The following MED16 variants were observed in gnomAD, a reference collection of about 807,000 sequenced individuals.
MED16 encodes mediator complex subunit 16, also known as mediator of RNA polymerase II transcription subunit 16.
A neutral mutation model predicts 84.4 loss-of-function variants in MED16; 81 were observed. The observed-to-expected ratio is 0.96, with a 90% CI of 0.80 to 1.15. The LOEUF is 1.15. MED16 is among the 50% of genes most tolerant of loss of function. MED16 has a pLI of 0.00. For synonymous variants in MED16, 897 were observed against 552.2 expected, an observed-to-expected ratio of 1.62 and a Z score of -8.76; for missense variants, 1,585 against 1,245.9, an observed-to-expected ratio of 1.27 and a Z score of -4.10.
At chr19:880,191 A>T (rs751482017) in intron 7 of MED16, 43 bp from the exon 8 acceptor site, 2 of 1,539,938 alleles carry the variant, frequency 1.3e-6, no homozygotes, top group East Asian at 4.8e-5. Flanking sequence ...AGGGCCCAGG[A>T]CACGCCCGCC....
intron 6 of MED16, among the ~76,000 whole-genome samples, chr19:883,315 G>A (rs994807064): frequency 3.4e-5 from 5 of 147,548 alleles, no homozygotes; most frequent in African/African-American, 5.1e-5. Context: ...CACGTGGGGC[G>A]GTGGGTGAAG....
chr19:880,749 C>T (rs573698868), intron 7 of MED16, among the ~76,000 whole-genome samples: 2 of 151,946 alleles, frequency 1.3e-5, no homozygotes, highest in African/African-American at 4.8e-5. Flanking sequence ...GGTGAAACCC[C>T]GTCTCTACTA....
At chr19:892,942 C>CGCGCCCCGCGCCCCGCGCCCT (rs1568335915) in intron 1 of MED16, 144 bp downstream of exon 1, 1 of 147,270 alleles carries the variant, frequency 6.8e-6, no homozygotes, top group East Asian at 2.0e-4. Context: ...CCCCGCGCCC[C>CGCGCCCCGCGCCCCGCGCCCT]AGGCCGCCTA....
Position 885,750 on chromosome 19 carries a change from G to A in MED16, c.879+20C>T. On this transcript the variant is annotated intron_variant, in intron 5 of 15. Coordinates refer to ENST00000325464, the MANE Select transcript of MED16 (RefSeq NM_005481.3). The stretch of plus-strand genomic sequence containing the variant: ...TCATTCCAAGCCTGCCAGCCCACGT[G>A]ATGGCCTGCGCCCGTTCACCTGCTC... 1.3e-6 allele frequency: 2 copies of A among 1,597,628 alleles called. No individual in the cohort carries two copies. Among genetic ancestry groups the A allele is most frequent in the South Asian group, 1.1e-5 (1 of 90,956 alleles).
intron 9 of MED16, 60 bp from the exon 10 acceptor site, chr19:875,514 C>T (rs2036210639): frequency 1.4e-5 from 20 of 1,387,610 alleles, no homozygotes; most frequent in Non-Finnish European, 1.9e-5. Context: ...GCCAAGGCTC[C>T]AGCTGAGGAG....
intron 8 of MED16, among the ~76,000 whole-genome samples, chr19:878,445 G>A (rs2036320382): frequency 1.3e-5 from 1 of 75,558 alleles, no homozygotes; most frequent in Admixed American, 1.7e-4. Flanking sequence ...CCCGGCCCCG[G>A]CCCCGGCCCC....
intron 10 of MED16, among the ~76,000 whole-genome samples, chr19:874,259 G>T (rs1050166105): frequency 6.6e-6 from 1 of 151,968 alleles, no homozygotes; most frequent in Non-Finnish European, 1.5e-5. Context: ...GACTACAGGC[G>T]CCCGCCACCA....
intron 5 of MED16, 24 bp from the exon 6 acceptor site, chr19:885,032 G>A: frequency 6.4e-7 from 1 of 1,554,512 alleles, no homozygotes; most frequent in Non-Finnish European, 8.7e-7. Context: ...GGGGGTGAGG[G>A]CTGACCCGGC....
intron 13 of MED16, among the ~76,000 whole-genome samples, chr19:870,824 G>A (rs1462757444): frequency 2.2e-4 from 32 of 144,496 alleles, no homozygotes; most frequent in Non-Finnish European, 4.0e-4. Context: ...AGGGAGCCGT[G>A]TGGATTCGGG....
At chr19:888,480 C>A (rs1338755123) in intron 4 of MED16, among the ~76,000 whole-genome samples, 2 of 146,382 alleles carry the variant, frequency 1.4e-5, no homozygotes, top group Admixed American at 7.0e-5. Flanking sequence ...GCCAAGATCG[C>A]ATCACTGCAC....
At chr19:886,325 TC>T in intron 4 of MED16, 124 bp from the exon 5 acceptor site, 1 of 844,714 alleles carries the variant, frequency 1.2e-6, no homozygotes, top group Non-Finnish European at 1.7e-6. Flanking sequence ...TGGGTTCAGA[TC>T]CTGACTCGGC....
chr19:873,668 C>T (rs1193684241), intron 10 of MED16, 86 bp from the exon 11 acceptor site: 3 of 1,494,304 alleles, frequency 2.0e-6, no homozygotes, highest in Non-Finnish European at 2.7e-6. Context: ...TCGACCTGCA[C>T]TGAGTGCCCA....
chr19:891,065 T>C lies in MED16; in HGVS notation c.67A>G (p.Lys23Glu). The stretch of plus-strand genomic sequence containing the variant: ...GGGCAGTGGGTGCTCTTGGACCATT[T>C]CTCCCACTCACAGACGTAGGCCAAG... ...MDLAYVCEWE[K>E]WSKSTHCPSV... Residue 23 changes from lysine to glutamate, a missense_variant, in exon 2 of 16, where the codon AAA becomes GAA. Coordinates refer to ENST00000325464, the MANE Select transcript of MED16 (RefSeq NM_005481.3). 1 of 1,613,954 alleles carries C rather than the reference T, an allele frequency of 6.2e-7. No individual in the cohort carries two copies. The highest frequency in any genetic ancestry group is 8.5e-7 in the Non-Finnish European group (1 of 1,179,980).
At chr19:881,315 G>A (rs779224550) in intron 7 of MED16, among the ~76,000 whole-genome samples, 3 of 152,188 alleles carry the variant, frequency 2.0e-5, no homozygotes, top group Non-Finnish European at 2.9e-5. Context: ...GATTTGCAAT[G>A]ACTCTTTACA....
intron 5 of MED16, 21 bp from the exon 6 acceptor site, chr19:885,029 A>AG: frequency 6.4e-7 from 1 of 1,567,650 alleles, no homozygotes; most frequent in Non-Finnish European, 8.6e-7. Flanking sequence ...GGTGGGGGTG[A>AG]GGGCTGACCC....
At chr19:887,551 A>C (rs568827185) in intron 4 of MED16, among the ~76,000 whole-genome samples, 1 of 152,168 alleles carries the variant, frequency 6.6e-6, no homozygotes, top group Non-Finnish European at 1.5e-5. Flanking sequence ...CTGTAATTCC[A>C]GCTACTCGGG....
intron 7 of MED16, among the ~76,000 whole-genome samples, chr19:880,523 T>C (rs1308897296): frequency 6.6e-6 from 1 of 151,974 alleles, no homozygotes; most frequent in Non-Finnish European, 1.5e-5. Flanking sequence ...GGGCTGGGGC[T>C]GTCACTCACA....
intron 4 of MED16, among the ~76,000 whole-genome samples, chr19:887,389 C>G (rs571846344): frequency 3.2e-4 from 49 of 152,142 alleles, no homozygotes; most frequent in African/African-American, 9.9e-4. Flanking sequence ...AAAATTTGGC[C>G]GGACGCGGTG....
At chr19:871,656 C>CTAGGAACTGG (rs752130392) in intron 12 of MED16, 1 of 1,582,130 alleles carries the variant, frequency 6.3e-7, no homozygotes, top group East Asian at 2.2e-5. Flanking sequence ...TGGACCTGTG[C>CTAGGAACTGG]TAGGAACTGG....
Sources: allele counts gnomAD v4.1 joint callset (sites outside exome capture counted in the v4.1 genomes callset), GRCh38; gene constraint gnomAD v4.1.1; transcripts MANE v1.5; gene names NCBI Gene and HGNC (gene_info 2026-07-23, HGNC 2026-07-21).